Variants in KCNIP4 observed in about 807,000 individuals in gnomAD.
KCNIP4 encodes the protein potassium voltage-gated channel interacting protein 4, also known as Kv channel-interacting protein 4.
A neutral mutation model predicts 34.0 loss-of-function variants in KCNIP4; 12 were observed. The ratio of observed to expected loss-of-function variants is 0.35; its 90% CI spans 0.23 to 0.57. The LOEUF is 0.57. Ranked by LOEUF, KCNIP4 falls within the 20% of genes least tolerant of loss-of-function variation. KCNIP4 has a pLI of 0.83. For synonymous variants in KCNIP4, 124 were observed against 102.2 expected, an observed-to-expected ratio of 1.21 and a Z score of -1.29; for missense variants, 238 against 311.7, an observed-to-expected ratio of 0.76 and a Z score of 1.78.
At chr4:21,849,931 CT>C (rs1724270333) in intron 1 of KCNIP4, 1 of 151,920 alleles carries the variant, frequency 6.6e-6, no homozygotes, top group Non-Finnish European at 1.5e-5. Context: ...GTAAATGTAA[CT>C]ATAATGGCAA....
At chr4:21,864,427 G>C (rs1184577871) in intron 1 of KCNIP4, among the ~76,000 whole-genome samples, 3 of 152,084 alleles carry the variant, frequency 2.0e-5, no homozygotes, top group Non-Finnish European at 4.4e-5. Flanking sequence ...TTTTGCATGT[G>C]TGCTTTAAGA....
At chr4:21,615,469 C>T (rs1037611707) in intron 1 of KCNIP4, among the ~76,000 whole-genome samples, 3 of 151,884 alleles carry the variant, frequency 2.0e-5, no homozygotes, top group Non-Finnish European at 4.4e-5. Context: ...TGGCGTTTAC[C>T]TGGGAGGTAG....
At chr4:21,249,911 C>T (rs991180062) in intron 1 of KCNIP4, among the ~76,000 whole-genome samples, 2 of 151,954 alleles carry the variant, frequency 1.3e-5, no homozygotes, top group African/African-American at 4.8e-5. Context: ...TTAAGTATTC[C>T]ATCCAAGCAT....
rs115821833 is a variant in KCNIP4 at position 20,993,325 on chromosome 4, G to A, written c.62-110616C>T. 5.3e-4 allele frequency among the ~76,000 whole-genome samples: 80 copies of A among 152,276 alleles called. 1 individual carries two copies. The highest frequency in any genetic ancestry group is 1.8e-3 in the African/African-American group (74 of 41,570). On this transcript the variant is annotated intron_variant, in intron 1 of 8. Coordinates refer to ENST00000382152, the MANE Select transcript of KCNIP4 (RefSeq NM_025221.6). ...GAAGATCAGGAAAATCCCAGAGAAA[G>A]AGAAGACATATGAACTGGTCATGAA...
intron 4 of KCNIP4, among the ~76,000 whole-genome samples, chr4:20,757,722 T>C (rs1041416019): frequency 6.6e-6 from 1 of 152,114 alleles, no homozygotes; most frequent in Non-Finnish European, 1.5e-5. Flanking sequence ...ACTATACACT[T>C]TGGAAATGGA....
intron 2 of KCNIP4, among the ~76,000 whole-genome samples, chr4:20,879,955 A>G (rs993125706): frequency 2.0e-5 from 3 of 152,228 alleles, no homozygotes; most frequent in Non-Finnish European, 2.9e-5. Flanking sequence ...GGAGGTAAAA[A>G]GAGGAAAACT....
intron 3 of KCNIP4, among the ~76,000 whole-genome samples, chr4:20,834,621 A>C (rs1718825731): frequency 6.6e-6 from 1 of 152,166 alleles, no homozygotes; most frequent in Non-Finnish European, 1.5e-5. Flanking sequence ...GAGTGATTTA[A>C]AGTAAATGTA....
intron 1 of KCNIP4, among the ~76,000 whole-genome samples, chr4:21,191,387 A>G (rs948192688): frequency 6.6e-6 from 1 of 152,220 alleles, no homozygotes. Context: ...TAAATGATCA[A>G]TTGCCTATAG....
At chr4:20,826,105 A>C (rs1219398398) in intron 3 of KCNIP4, among the ~76,000 whole-genome samples, 1 of 152,136 alleles carries the variant, frequency 6.6e-6, no homozygotes, top group Admixed American at 6.5e-5. Context: ...AAAGATGTGG[A>C]AATTGCAAGA....
chr4:21,492,642 G>A lies in KCNIP4; in HGVS notation c.61+455929C>T, dbSNP rs115595053. 3.1e-3 allele frequency among the ~76,000 whole-genome samples: 465 copies of A among 152,188 alleles called. 3 individuals are homozygous for A. Among genetic ancestry groups the A allele is most frequent in the African/African-American group, 0.011 (443 of 41,544 alleles). On this transcript the variant is annotated intron_variant, in intron 1 of 8. Transcript: ENST00000382152. ...GATTGAATGGTCTTAACTTCTTGAGGCATAACAGAAAAACAATTATTTTCC... is the reference window on the plus strand; with the variant it reads ...GATTGAATGGTCTTAACTTCTTGAGACATAACAGAAAAACAATTATTTTCC...
intron 1 of KCNIP4, among the ~76,000 whole-genome samples, chr4:21,344,615 G>C (rs1443470095): frequency 6.6e-6 from 1 of 152,070 alleles, no homozygotes; most frequent in Admixed American, 6.6e-5. Context: ...AGAAAAGATG[G>C]AATGAACCAA....
intron 3 of KCNIP4, among the ~76,000 whole-genome samples, chr4:20,830,685 G>A (rs2172149): frequency 0.76 from 115,338 of 152,044 alleles, 43,961 homozygotes; most frequent in South Asian, 0.83. Flanking sequence ...CAGAAAAAAT[G>A]TATAGAGAAA....
chr4:21,013,225 G>T (rs191464983), intron 1 of KCNIP4, among the ~76,000 whole-genome samples: 2 of 152,270 alleles, frequency 1.3e-5, no homozygotes, highest in Admixed American at 1.3e-4. Flanking sequence ...ACCACTCTGA[G>T]ATGATATGAC....
intron 1 of KCNIP4, among the ~76,000 whole-genome samples, chr4:21,770,006 T>C (rs1469214276): frequency 2.3e-5 from 3 of 132,164 alleles, no homozygotes; most frequent in Admixed American, 6.9e-5. Flanking sequence ...TATTTATTTC[T>C]TCTAAAAAAA....
At chr4:20,829,767 G>A (rs1718195733) in intron 3 of KCNIP4, among the ~76,000 whole-genome samples, 1 of 152,048 alleles carries the variant, frequency 6.6e-6, no homozygotes, top group Admixed American at 6.5e-5. Flanking sequence ...ACTCTGCTCT[G>A]TCAGAGTGAT....
At chr4:20,825,817 AT>A in intron 3 of KCNIP4, among the ~76,000 whole-genome samples, 1 of 152,312 alleles carries the variant, frequency 6.6e-6, no homozygotes, top group East Asian at 1.9e-4. Context: ...TGCGTAAAGA[AT>A]TTGTGTAGAA....
At chr4:21,520,676 A>C (rs370206279) in intron 1 of KCNIP4, among the ~76,000 whole-genome samples, 1 of 152,298 alleles carries the variant, frequency 6.6e-6, no homozygotes, top group East Asian at 1.9e-4. Flanking sequence ...GAAATTTTGC[A>C]AGACAATCTA....
chr4:20,905,686 AATT>A (rs1727684695), intron 1 of KCNIP4, among the ~76,000 whole-genome samples: 1 of 141,394 alleles, frequency 7.1e-6, no homozygotes, highest in Non-Finnish European at 1.6e-5. Flanking sequence ...TAAGTTTTGA[AATT>A]TTTTTTTTTT....
At chr4:20,958,480 C>T (rs989433417) in intron 1 of KCNIP4, among the ~76,000 whole-genome samples, 1 of 152,098 alleles carries the variant, frequency 6.6e-6, no homozygotes, top group African/African-American at 2.4e-5. Flanking sequence ...TATGTACAGG[C>T]TTTTTTCCCT....
Sources: allele counts gnomAD v4.1 joint callset (sites outside exome capture counted in the v4.1 genomes callset), GRCh38; gene constraint gnomAD v4.1.1; transcripts MANE v1.5; gene names NCBI Gene and HGNC (gene_info 2026-07-23, HGNC 2026-07-21).